Variants in CACNA2D4 observed in about 807,000 individuals in gnomAD.
CACNA2D4 encodes the protein calcium voltage-gated channel auxiliary subunit alpha2delta 4.
In CACNA2D4, 157 loss-of-function variants were observed where a neutral mutation model predicts 163.8. The ratio of observed to expected loss-of-function variants is 0.96; its 90% CI spans 0.84 to 1.09. The LOEUF is 1.09. Ranked by LOEUF, CACNA2D4 falls within the 50% of genes least tolerant of loss-of-function variation. The pLI, the probability that CACNA2D4 is intolerant of heterozygous loss-of-function variation, is 0.00. For missense variants in CACNA2D4, 1,410 were observed against 1,479.9 expected (o/e 0.95, Z 0.78); for synonymous variants, 598 against 586.9 (o/e 1.02, Z -0.27).
Position 1,878,881 on chromosome 12 carries a change from G to T in CACNA2D4, c.1644+75C>A. On this transcript the variant is annotated intron_variant, in intron 15 of 37. Coordinates refer to ENST00000382722, the MANE Select transcript of CACNA2D4 (RefSeq NM_172364.5). This position sits in a 1 kb window ranked among gnomAD's most constrained non-coding sequence, Gnocchi z 4.6. ...GCTCTGGGCTTGGCTTGCCTGGAGA[G>T]AGGCTCCCATCACGGGGGAGGGAGT... is the stretch of plus-strand genomic sequence containing the variant. 1 of 1,380,070 alleles carries T rather than the reference G, an allele frequency of 7.2e-7. No individual in the cohort carries two copies. The allele number at this position is 1,380,070 out of a possible 1,614,324, so 85.5% of individuals were successfully genotyped here. A position where few individuals can be genotyped will look rare whatever the true frequency, so the allele number is the denominator to read the frequency against.
intron 22 of CACNA2D4, among the ~76,000 whole-genome samples, chr12:1,855,703 C>G (rs1011488064): frequency 6.6e-6 from 1 of 152,232 alleles, no homozygotes; most frequent in Non-Finnish European, 1.5e-5. Context: ...ATGACAGACT[C>G]TGAATGGTGC....
chr12:1,870,554 A>G (rs183107577), intron 18 of CACNA2D4, among the ~76,000 whole-genome samples: 112 of 151,864 alleles, frequency 7.4e-4, no homozygotes, highest in Admixed American at 3.5e-3. Context: ...ATCACACCCA[A>G]TGCAGTTCTC....
chr12:1,865,641 C>T (rs1865634164), intron 18 of CACNA2D4, among the ~76,000 whole-genome samples: 1 of 152,218 alleles, frequency 6.6e-6, no homozygotes, highest in African/African-American at 2.4e-5. Flanking sequence ...TGCGGCTGCA[C>T]CACGCACGAG....
In CACNA2D4 at chr12:1,911,739, G is replaced by C. The variant is rs986298167; in HGVS notation, c.426+1284C>G. On this transcript the variant is annotated intron_variant, in intron 3 of 37. Coordinates refer to ENST00000382722, the MANE Select transcript of CACNA2D4 (RefSeq NM_172364.5). ...GCCTGGAGCCCCAGCCTCTGGGGGTGTCTCAGGACTGCTCGCTGCTCTAGT... is the reference window on the plus strand; with the variant it reads ...GCCTGGAGCCCCAGCCTCTGGGGGTCTCTCAGGACTGCTCGCTGCTCTAGT... Among the ~76,000 whole-genome samples the C allele has an allele frequency of 1.6e-4, 25 of 152,212 alleles. 2 individuals carry two copies. The highest frequency in any genetic ancestry group is 1.5e-5 in the Non-Finnish European group (1 of 68,042).
chr12:1,884,813 C>G lies in CACNA2D4; in HGVS notation c.1227G>C (p.Glu409Asp), dbSNP rs755093083. 1.5e-5 allele frequency: 25 copies of G among 1,613,696 alleles called. No homozygotes were observed. The South Asian group carries it at 2.7e-4, about 18-fold the overall frequency. The change falls in exon 11 of 38, where the codon GAG becomes GAC. Residue 409 changes from glutamate (E) to aspartate (D), a missense_variant. Coordinates refer to ENST00000382722, the MANE Select transcript of CACNA2D4 (RefSeq NM_172364.5). ...ACTTCTCAAACACCGGCTCGTAGTC[C>G]TCCACGGCGCCGTCGCTGATGAGCA... ...AIMLISDGAV[E>D]DYEPVFEKYN...
At chr12:1,795,512 C>T in intron 36 of CACNA2D4, 131 bp from the exon 37 acceptor site, 3 of 992,750 alleles carry the variant, frequency 3.0e-6, no homozygotes, top group Non-Finnish European at 4.6e-6. Flanking sequence ...GGAGGCAGCA[C>T]CGGGGCCCAG....
intron 26 of CACNA2D4, chr12:1,831,461 C>A: frequency 6.2e-7 from 1 of 1,614,064 alleles, no homozygotes; most frequent in Non-Finnish European, 8.5e-7. Context: ...TCGGGGATAA[C>A]CCCTGGGAGT....
At chr12:1,815,467 A>AC (rs200855609) in intron 26 of CACNA2D4, among the ~76,000 whole-genome samples, 1,693 of 150,658 alleles carry the variant, frequency 0.011, 144 homozygotes, top group African/African-American at 0.04. Context: ...GACCTCCCTC[A>AC]CTTTCACTCT....
intron 18 of CACNA2D4, among the ~76,000 whole-genome samples, chr12:1,863,112 A>G (rs4765851): frequency 0.89 from 135,048 of 152,276 alleles, 59,976 homozygotes; most frequent in Admixed American, 0.91. Context: ...TGTATGTGGT[A>G]TGAGCTATGG....
intron 26 of CACNA2D4, chr12:1,827,917 C>T (rs542770624): frequency 4.9e-6 from 2 of 411,118 alleles, no homozygotes; most frequent in Non-Finnish European, 8.5e-6. Flanking sequence ...GGCTTGAAGG[C>T]TTCCTGGCTC....
chr12:1,800,597 T>C (rs1274286870), intron 31 of CACNA2D4, 159 bp from the exon 32 acceptor site: 4 of 636,688 alleles, frequency 6.3e-6, no homozygotes, highest in Non-Finnish European at 5.6e-6. Context: ...GCACCCCCCA[T>C]CCCCCCACCT....
Position 1,906,137 on chromosome 12 carries a change from G to A in CACNA2D4, c.781+1303C>T, listed in dbSNP as rs534748208. On this transcript the variant is annotated intron_variant, in intron 6 of 37. Transcript: ENST00000382722. The stretch of plus-strand genomic sequence containing the variant: ...CAACTGTATATCCACATGAAAAAAC[G>A]GAAGTTGAACTCTTACCAAATACCA... Among the ~76,000 whole-genome samples the A allele has an allele frequency of 7.3e-4, 111 of 152,198 alleles. 1 individual carries two copies. The South Asian group carries it at 0.021, about 29-fold the overall frequency.
rs78510671 is a variant in CACNA2D4, at chr12:1,872,101, T to C, written c.1878+2503A>G. Among the ~76,000 whole-genome samples the C allele has an allele frequency of 2.8e-3, 430 of 152,326 alleles. 8 individuals are homozygous for C. Among genetic ancestry groups the C allele is most frequent in the East Asian group, 0.017 (86 of 5,186 alleles). ...AAATGGGAGGCCCGCCAGCCAAAAC[T>C]GGGCTTCTTACGAGTTTAACATCCT... On this transcript the variant is annotated intron_variant, in intron 18 of 37. Coordinates refer to ENST00000382722, the MANE Select transcript of CACNA2D4 (RefSeq NM_172364.5).
At position 1,799,508 on chromosome 12, in the gene CACNA2D4, G is replaced by C. The variant is rs1298227701; in HGVS notation, c.2995+167C>G. Among the ~76,000 whole-genome samples, 1 of 152,164 alleles carries C rather than the reference G, an allele frequency of 6.6e-6. No individual in the cohort carries two copies. The highest frequency in any genetic ancestry group is 1.5e-5 in the Non-Finnish European group (1 of 68,024). On this transcript the variant is annotated intron_variant, in intron 34 of 37. Transcript: ENST00000382722. The surrounding 1 kb of genome is among the most constrained non-coding windows in gnomAD (Gnocchi z 4.7). The stretch of plus-strand genomic sequence containing the variant: ...CGTCCTCATGTGGGATGAGAACTGG[G>C]CTAGACTCCCCAGTCCCCCAACCCC...
In CACNA2D4 at chr12:1,883,018, G is replaced by A. The variant is rs1432788700; in HGVS notation, c.1352-18C>T. 14 of 1,607,938 alleles carry A rather than the reference G, an allele frequency of 8.7e-6. No homozygotes were observed. Among genetic ancestry groups the A allele is most frequent in the African/African-American group, 1.3e-5 (1 of 74,954 alleles). On this transcript the variant is annotated intron_variant, in intron 12 of 37. Coordinates refer to ENST00000382722, the MANE Select transcript of CACNA2D4 (RefSeq NM_172364.5). This position sits in a 1 kb window ranked among gnomAD's most constrained non-coding sequence, Gnocchi z 4.5. ...GTAGTAGCCTGCGGTGGGGAAGGCC[G>A]CGTGGGTGTGGAAGGCAGGGCTTCC... is the stretch of plus-strand genomic sequence containing the variant.
chr12:1,891,795 T>G (rs1866287141), intron 6 of CACNA2D4, among the ~76,000 whole-genome samples: 1 of 151,922 alleles, frequency 6.6e-6, no homozygotes, highest in African/African-American at 2.4e-5. Flanking sequence ...ACAAAATACA[T>G]TTGTAAACGT....
chr12:1,889,909 A>C (rs2154449960), intron 6 of CACNA2D4, among the ~76,000 whole-genome samples: 1 of 152,370 alleles, frequency 6.6e-6, no homozygotes, highest in South Asian at 2.1e-4. Context: ...GGACAAAAAT[A>C]GCAGGTAGAT....
At chr12:1,797,042 C>T (rs7980272) in intron 35 of CACNA2D4, among the ~76,000 whole-genome samples, 26,995 of 152,178 alleles carry the variant, frequency 0.18, 2,468 homozygotes, top group East Asian at 0.23. Flanking sequence ...ACTGGCACCG[C>T]CCTGGGCACC....
intron 26 of CACNA2D4, among the ~76,000 whole-genome samples, chr12:1,815,720 C>T (rs930719622): frequency 2.0e-5 from 3 of 152,168 alleles, no homozygotes; most frequent in Non-Finnish European, 4.4e-5. Flanking sequence ...CCCTTCCCTC[C>T]CAGCTTCAGG....
Sources: allele counts gnomAD v4.1 joint callset (sites outside exome capture counted in the v4.1 genomes callset), GRCh38; gene constraint gnomAD v4.1.1; non-coding constraint Gnocchi (gnomAD v3.1); transcripts MANE v1.5; gene names NCBI Gene and HGNC (gene_info 2026-07-23, HGNC 2026-07-21).